The following RHCE variants were observed in gnomAD, a reference collection of about 807,000 sequenced individuals.
RHCE encodes the protein blood group Rh(CE) polypeptide.
A neutral mutation model predicts 43.8 loss-of-function variants in RHCE; 22 were observed. The ratio of observed to expected loss-of-function variants is 0.50; its 90% confidence interval spans 0.36 to 0.72. RHCE has a LOEUF of 0.72. Among genes scored for constraint, RHCE ranks in the 30% least tolerant of loss-of-function variants. RHCE has a pLI of 0.00. For synonymous variants in RHCE, 156 were observed against 210.7 expected, an observed-to-expected ratio of 0.74 and a Z score of 2.25; for missense variants, 385 against 525.4, an observed-to-expected ratio of 0.73 and a Z score of 2.61.
At chr1:25,369,344 G>A (rs1293259) in intron 9 of RHCE, among the ~76,000 whole-genome samples, 20,881 of 151,552 alleles carry the variant, frequency 0.14, 1,774 homozygotes, top group East Asian at 0.25. Flanking sequence ...GCACAACACC[G>A]GGCAGCAGCC....
chr1:25,413,781 G>A (rs1647180233), intron 1 of RHCE, among the ~76,000 whole-genome samples: 1 of 152,166 alleles, frequency 6.6e-6, no homozygotes, highest in African/African-American at 2.4e-5. Context: ...GGAAAGGGAG[G>A]CACAGAGAGG....
At chr1:25,394,314 T>C (rs1319211375) in intron 3 of RHCE, among the ~76,000 whole-genome samples, 2 of 152,162 alleles carry the variant, frequency 1.3e-5, no homozygotes, top group East Asian at 1.9e-4. Flanking sequence ...CACCATGTGC[T>C]GACAATTCTA....
At chr1:25,392,244 G>A (rs1224798895) in intron 3 of RHCE, 103 bp from the exon 4 acceptor site, 7 of 1,589,336 alleles carry the variant, frequency 4.4e-6, no homozygotes, top group African/African-American at 1.3e-5. Flanking sequence ...TAGGAGGTGT[G>A]ACTTGAAGCC....
At chr1:25,427,673 C>T (rs2124558964) in intron 2 of RHCE, among the ~76,000 whole-genome samples, 1 of 152,360 alleles carries the variant, frequency 6.6e-6, no homozygotes, top group East Asian at 1.9e-4. Flanking sequence ...GCAAGAAGGC[C>T]ATTCCCATCA....
intron 6 of RHCE, among the ~76,000 whole-genome samples, chr1:25,387,432 C>T (rs1482348882): frequency 6.6e-6 from 1 of 152,032 alleles, no homozygotes. Flanking sequence ...AGTGTTAAAA[C>T]GTATGTGTTG....
chr1:25,405,509 C>A (rs986359582), intron 2 of RHCE, among the ~76,000 whole-genome samples: 13 of 151,936 alleles, frequency 8.6e-5, no homozygotes, highest in East Asian at 3.9e-4. Context: ...AAAAATTAGC[C>A]GGGCATGGTA....
At chr1:25,405,423 C>T (rs553942374) in intron 2 of RHCE, among the ~76,000 whole-genome samples, 3 of 152,104 alleles carry the variant, frequency 2.0e-5, no homozygotes, top group Non-Finnish European at 2.9e-5. Flanking sequence ...GAGGCCTAGG[C>T]GGGTGGATCA....
intron 1 of RHCE, among the ~76,000 whole-genome samples, chr1:25,413,527 G>C (rs949451848): frequency 2.6e-5 from 4 of 152,240 alleles, no homozygotes; most frequent in African/African-American, 7.2e-5. Context: ...TGGGCCCAGA[G>C]GGGAATTGTA....
At chr1:25,402,202 G>GTCTATCTATCTA (rs1334174215) in intron 3 of RHCE, among the ~76,000 whole-genome samples, 1 of 118,410 alleles carries the variant, frequency 8.4e-6, no homozygotes, top group African/African-American at 3.3e-5. Flanking sequence ...CTGTCTGTCT[G>GTCTATCTATCTA]TCTGTCTATC....
chr1:25,416,643 G>T (rs1647482164), intron 1 of RHCE, among the ~76,000 whole-genome samples: 1 of 151,836 alleles, frequency 6.6e-6, no homozygotes, highest in Non-Finnish European at 1.5e-5. Context: ...TTGAGACAGG[G>T]TCTTGCTCTG....
chr1:25,396,756 C>T (rs1273642626), intron 3 of RHCE, among the ~76,000 whole-genome samples: 2 of 152,198 alleles, frequency 1.3e-5, no homozygotes, highest in Admixed American at 6.5e-5. Flanking sequence ...GTCCTGCCCT[C>T]AACACGTGGA....
chr1:25,376,815 G>A (rs1050108438), intron 7 of RHCE, among the ~76,000 whole-genome samples: 1 of 152,022 alleles, frequency 6.6e-6, no homozygotes, highest in African/African-American at 2.4e-5. Flanking sequence ...TCAGGAGGCT[G>A]AGGCAGGAGA....
At chr1:25,385,269 A>G (rs1388423453) in intron 7 of RHCE, among the ~76,000 whole-genome samples, 1 of 152,182 alleles carries the variant, frequency 6.6e-6, no homozygotes, top group East Asian at 1.9e-4. Context: ...TAGCATCCCA[A>G]CAGCCCTGTG....
chr1:25,369,309 G>A (rs1222758768), intron 9 of RHCE, among the ~76,000 whole-genome samples: 2 of 151,600 alleles, frequency 1.3e-5, no homozygotes, highest in Non-Finnish European at 2.9e-5. Flanking sequence ...CCTGGGTTCC[G>A]GTCTTGGATC....
intron 8 of RHCE, among the ~76,000 whole-genome samples, chr1:25,373,788 T>A (rs558701354): frequency 1.3e-5 from 2 of 151,502 alleles, no homozygotes; most frequent in African/African-American, 4.9e-5. Flanking sequence ...CAATAAAAGA[T>A]GTTTGCTTGT....
In RHCE at chr1:25,410,188, G is replaced by A. The variant is rs547398054; in HGVS notation, c.149-1319C>T. On this transcript the variant is annotated intron_variant, in intron 1 of 9. Transcript: ENST00000294413. ...ATGGGATTACAGACATGAGCCACAG[G>A]GCCTGGCCTACAGCCAAGATTTAAA... is the stretch of plus-strand genomic sequence containing the variant. Among the ~76,000 whole-genome samples, 94 of 151,586 alleles carry A rather than the reference G, an allele frequency of 6.2e-4. 2 individuals are homozygous for A. Among genetic ancestry groups the A allele is most frequent in the African/African-American group, 2.2e-3 (91 of 41,278 alleles).
intron 2 of RHCE, among the ~76,000 whole-genome samples, chr1:25,428,749 T>C (rs1010197667): frequency 3.3e-5 from 5 of 152,182 alleles, no homozygotes; most frequent in African/African-American, 7.2e-5. Context: ...AGCAAGTACT[T>C]TGGCCATTTT....
chr1:25,405,490 T>A (rs1646888401), intron 2 of RHCE, among the ~76,000 whole-genome samples: 1 of 151,906 alleles, frequency 6.6e-6, no homozygotes, highest in South Asian at 2.1e-4. Flanking sequence ...CCGTCTCTAC[T>A]AAAAACACAA....
upstream of RHCE, among the ~76,000 whole-genome samples, chr1:25,425,646 C>A (rs1195065092): frequency 6.6e-6 from 1 of 152,234 alleles, no homozygotes; most frequent in Non-Finnish European, 1.5e-5. Context: ...GCAAGTGGTG[C>A]TATGTCCACG....
Sources: allele counts gnomAD v4.1 joint callset (sites outside exome capture counted in the v4.1 genomes callset), GRCh38; gene constraint gnomAD v4.1.1; transcripts MANE v1.5; gene names NCBI Gene and HGNC (gene_info 2026-07-23, HGNC 2026-07-21).